Variants in IKZF5 observed in about 807,000 individuals in gnomAD.
IKZF5 encodes IKAROS family zinc finger 5.
A neutral mutation model predicts 30.7 loss-of-function variants in IKZF5; 4 were observed. The ratio of observed to expected loss-of-function variants is 0.13; its 90% CI spans 0.06 to 0.30. The LOEUF (loss-of-function observed/expected upper bound fraction) is 0.30. IKZF5 is among the 10% of genes least tolerant of loss of function. The pLI is 1.00. For missense variants in IKZF5, 348 were observed against 525.5 expected (o/e 0.66, Z 3.30); for synonymous variants, 148 against 179.6 (o/e 0.82, Z 1.41).
At chr10:122,996,946 G>A (rs1849395289) in intron 3 of IKZF5, among the ~76,000 whole-genome samples, 1 of 152,098 alleles carries the variant, frequency 6.6e-6, no homozygotes, top group South Asian at 2.1e-4. Context: ...CCACATCCCA[G>A]TGTTTATATG....
chr10:123,006,639 T>C (rs1249733135), intron 2 of IKZF5, among the ~76,000 whole-genome samples: 1 of 152,228 alleles, frequency 6.6e-6, no homozygotes, highest in African/African-American at 2.4e-5. Context: ...TTACTTCTCA[T>C]AGGTAACCAT....
rs41290642 is a variant in IKZF5, at chr10:122,992,758, G to T, written c.*1022C>A. On this transcript the variant is annotated 3_prime_UTR_variant, in exon 5 of 5. Transcript: ENST00000368886. ...ATTTTAAATGGCTAATTCTGAAGAG[G>T]AGACAAGAATCCATTTTGGACATGT... The T allele has an allele frequency of 1.3e-5, 2 of 152,434 alleles. No individual in the cohort carries two copies. The highest frequency in any genetic ancestry group is 2.9e-5 in the Non-Finnish European group (2 of 67,984). 9.4% of individuals were successfully genotyped at this position (152,434 alleles called of 1,614,324 possible).
Position 122,994,405 on chromosome 10 carries a change from A to C in IKZF5, c.635T>G (p.Leu212Arg), listed in dbSNP as rs1334815089. 26 of 1,613,990 alleles carry C rather than the reference A, an allele frequency of 1.6e-5. No individual in the cohort carries two copies. The highest frequency in any genetic ancestry group is 2.0e-5 in the Non-Finnish European group (24 of 1,180,022). Residue 212 changes from leucine (L) to arginine (R), a missense_variant, in exon 5 of 5, where the codon CTT becomes CGT. Around this residue, in one of 4 missense-constraint regions of IKZF5, gnomAD observed 176 missense variants for 198.2 expected, o/e 0.89. Coordinates refer to ENST00000368886, the MANE Select transcript of IKZF5 (RefSeq NM_001372123.1). The surrounding 1 kb of genome is among the most constrained non-coding windows in gnomAD (Gnocchi z 5.6). Reference protein sequence around the residue: ...PSMVVQKPDYLNDFTHEIPNI... With the variant: ...PSMVVQKPDYRNDFTHEIPNI... ...TGGGATTTCGTGGGTAAAATCGTTA[A>C]GGTAGTCTGGTTTCTGAACCACCAT...
chr10:122,993,713 AAAAC>A lies in IKZF5; in HGVS notation c.*63_*66del. On this transcript the variant is annotated 3_prime_UTR_variant, in exon 5 of 5. Transcript: ENST00000368886. ...AGCAGACACTTTATTAGGGATGACC[AAAAC>A]AAAAAACAAAAAAAACCAAACCACA... is the stretch of plus-strand genomic sequence containing the variant. 1 of 1,125,174 alleles carries A rather than the reference AAAAC, an allele frequency of 8.9e-7. No individual in the cohort carries two copies. The allele number at this position is 1,125,174 out of a possible 1,614,324, so 69.7% of individuals were successfully genotyped here.
intron 2 of IKZF5, among the ~76,000 whole-genome samples, chr10:122,999,028 C>CA (rs1032524602): frequency 1.8e-4 from 28 of 151,690 alleles, no homozygotes; most frequent in Non-Finnish European, 2.8e-4. Context: ...CTTGTCCCTA[C>CA]AAAAAAAAGT....
intron 2 of IKZF5, among the ~76,000 whole-genome samples, chr10:123,002,275 T>C (rs1372974095): frequency 1.3e-5 from 2 of 152,030 alleles, no homozygotes; most frequent in Non-Finnish European, 1.5e-5. Flanking sequence ...TCCCAGCACT[T>C]TGGGAGGCCG....
At position 122,992,411 on chromosome 10, in the gene IKZF5, A is replaced by AG. The variant is rs1849194218; in HGVS notation, c.*1368dup. 1 of 152,250 alleles carries AG rather than the reference A, an allele frequency of 6.6e-6. No individual in the cohort carries two copies. The highest frequency in any genetic ancestry group is 6.5e-5 in the Admixed American group (1 of 15,288). 9.4% of individuals were successfully genotyped at this position (152,250 alleles called of 1,614,324 possible). On this transcript the variant is annotated 3_prime_UTR_variant, in exon 5 of 5. Transcript: ENST00000368886. Reference sequence around the variant, plus strand: ...TCAACATATGAACAAAATTAAAAATAGAATTTTTGCAAAGTACACAGAAAA... The same window carrying AG: ...TCAACATATGAACAAAATTAAAAATAGGAATTTTTGCAAAGTACACAGAAAA...
Position 122,991,236 on chromosome 10 carries a change from G to A in IKZF5, c.*2544C>T, listed in dbSNP as rs1025516466. On this transcript the variant is annotated 3_prime_UTR_variant, in exon 5 of 5. Coordinates refer to ENST00000368886, the MANE Select transcript of IKZF5 (RefSeq NM_001372123.1). ...CCAGTGGAATTTTTTCAAAGTAAAT[G>A]TCTAGCCTTAACTTGAAGTTCAAGA... 7.9e-5 allele frequency: 12 copies of A among 152,110 alleles called. No individual in the cohort carries two copies. The highest frequency in any genetic ancestry group is 2.9e-4 in the African/African-American group (12 of 41,436). 9.4% of individuals were successfully genotyped at this position (152,110 alleles called of 1,614,324 possible). A position where few individuals can be genotyped will look rare whatever the true frequency, so the allele number is the denominator to read the frequency against.
rs1849242924 is a variant in IKZF5 at position 122,993,600 on chromosome 10, C to A, written c.*180G>T. 1 of 483,878 alleles carries A rather than the reference C, an allele frequency of 2.1e-6. No individual in the cohort carries two copies. Among genetic ancestry groups the A allele is most frequent in the Non-Finnish European group, 3.6e-6 (1 of 277,364 alleles). 30.0% of individuals were successfully genotyped at this position (483,878 alleles called of 1,614,324 possible). On this transcript the variant is annotated 3_prime_UTR_variant, in exon 5 of 5. Coordinates refer to ENST00000368886, the MANE Select transcript of IKZF5 (RefSeq NM_001372123.1). ...TCTAACTGTTCTAATATATAAATGA[C>A]CCTGACCAGATTTTTATGAAAAAAA...
chr10:122,997,697 A>G (rs1318178867), intron 3 of IKZF5, among the ~76,000 whole-genome samples: 4 of 152,202 alleles, frequency 2.6e-5, no homozygotes, highest in Non-Finnish European at 5.9e-5. Flanking sequence ...TATGGTCTCT[A>G]CCACAACTGC....
rs760325939 is a variant in IKZF5 at position 123,007,391 on chromosome 10, C to T, written c.-197-215G>A. Among the ~76,000 whole-genome samples the T allele has an allele frequency of 2.6e-5, 4 of 152,146 alleles. No homozygotes were observed. The South Asian group carries it at 6.2e-4, about 24-fold the overall frequency. ...ACCAAAGAATAACTGGTGTGACTAC[C>T]GTTTTCTCACTGGTGGATTAGTTTT... On this transcript the variant is annotated intron_variant, in intron 1 of 4. Coordinates refer to ENST00000368886, the MANE Select transcript of IKZF5 (RefSeq NM_001372123.1).
intron 2 of IKZF5, among the ~76,000 whole-genome samples, chr10:123,001,208 G>A (rs1364896365): frequency 6.6e-5 from 10 of 151,914 alleles, no homozygotes; most frequent in Admixed American, 3.9e-4. Flanking sequence ...TGGTTTCACC[G>A]TGTTAGCCAG....
intron 2 of IKZF5, among the ~76,000 whole-genome samples, chr10:123,006,661 C>T (rs1306913766): frequency 6.6e-6 from 1 of 152,114 alleles, no homozygotes; most frequent in African/African-American, 2.4e-5. Context: ...AGGAAGAATA[C>T]AATATTAGCA....
intron 2 of IKZF5, among the ~76,000 whole-genome samples, chr10:123,001,928 A>T (rs1235881045): frequency 6.6e-6 from 1 of 152,182 alleles, no homozygotes; most frequent in Admixed American, 6.5e-5. Flanking sequence ...CTTTGACTTA[A>T]CTCGAAATCT....
intron 2 of IKZF5, among the ~76,000 whole-genome samples, chr10:123,005,471 T>C (rs976364045): frequency 5.3e-5 from 8 of 152,234 alleles, no homozygotes; most frequent in African/African-American, 1.9e-4. Context: ...ATGTATGATA[T>C]CATGTCATCT....
At chr10:123,000,739 G>A (rs1017466741) in intron 2 of IKZF5, among the ~76,000 whole-genome samples, 5 of 152,100 alleles carry the variant, frequency 3.3e-5, no homozygotes, top group Non-Finnish European at 7.4e-5. Flanking sequence ...TGCCTTTTTC[G>A]TTTTAGCCGT....
chr10:122,996,166 A>G lies in IKZF5; in HGVS notation c.144T>C (p.Asp48=), dbSNP rs1189015907. The G allele has an allele frequency of 6.2e-7, 1 of 1,613,000 alleles. No individual in the cohort carries two copies. Among genetic ancestry groups the G allele is most frequent in the African/African-American group, 1.3e-5 (1 of 74,936 alleles). The change falls in exon 4 of 5, where the codon GAT becomes GAC. Residue 48 remains aspartate (D), a synonymous_variant. Transcript: ENST00000368886. The part of the protein sequence containing the change: ...EAEALQGAGT[D]GDQNGLDHPS... ...GGTGATCAAGTCCATTTTGATCACCATCTGTTCCAGCTATAAACAAAGTAC... is the reference window on the plus strand; with the variant it reads ...GGTGATCAAGTCCATTTTGATCACCGTCTGTTCCAGCTATAAACAAAGTAC...
At position 122,993,678 on chromosome 10, in the gene IKZF5, G is replaced by C; in HGVS notation, c.*102C>G. 1.5e-6 allele frequency: 1 copy of C among 670,630 alleles called. No homozygotes were observed. Among genetic ancestry groups the C allele is most frequent in the East Asian group, 2.7e-5 (1 of 37,234 alleles). The allele number at this position is 670,630 out of a possible 1,614,324, so 41.5% of individuals were successfully genotyped here. A position where few individuals can be genotyped will look rare whatever the true frequency, so the allele number is the denominator to read the frequency against. On this transcript the variant is annotated 3_prime_UTR_variant, in exon 5 of 5. Coordinates refer to ENST00000368886, the MANE Select transcript of IKZF5 (RefSeq NM_001372123.1). ...TATATTCTATAAATATAATGTATAAGCCTTGAATTAGCAGACACTTTATTA... is the reference window on the plus strand; with the variant it reads ...TATATTCTATAAATATAATGTATAACCCTTGAATTAGCAGACACTTTATTA...
In IKZF5 at chr10:122,992,821, C is replaced by T. The variant is rs1428166432; in HGVS notation, c.*959G>A. On this transcript the variant is annotated 3_prime_UTR_variant, in exon 5 of 5. Coordinates refer to ENST00000368886, the MANE Select transcript of IKZF5 (RefSeq NM_001372123.1). ...AAATATGACTTCACTATCACATTCT[C>T]TCATGTGTTTCCATACCCACCTTTT... 6.6e-6 allele frequency: 1 copy of T among 152,560 alleles called. No individual in the cohort carries two copies. The highest frequency in any genetic ancestry group is 1.9e-4 in the East Asian group (1 of 5,192). 9.5% of individuals were successfully genotyped at this position (152,560 alleles called of 1,614,324 possible). A position where few individuals can be genotyped will look rare whatever the true frequency, so the allele number is the denominator to read the frequency against.
Sources: allele counts gnomAD v4.1 joint callset (sites outside exome capture counted in the v4.1 genomes callset), GRCh38; gene constraint gnomAD v4.1.1; regional missense constraint gnomAD v4.1.1; non-coding constraint Gnocchi (gnomAD v3.1); transcripts MANE v1.5; gene names NCBI Gene and HGNC (gene_info 2026-07-23, HGNC 2026-07-21).